NRF1: variants seen among roughly 807,000 people sequenced by gnomAD.
The protein encoded by NRF1 is alpha palindromic-binding protein.
In NRF1, 5 loss-of-function variants were observed where a neutral mutation model predicts 58.5. That is an observed-to-expected ratio of 0.09 (90% CI 0.04 to 0.18). The LOEUF is 0.18. Among genes scored for constraint, NRF1 ranks in the 10% least tolerant of loss-of-function variants. The pLI is 1.00. For synonymous variants in NRF1, 224 were observed against 246.7 expected, an observed-to-expected ratio of 0.91 and a Z score of 0.86; for missense variants, 288 against 657.7, an observed-to-expected ratio of 0.44 and a Z score of 6.15.
chr7:129,659,429 A>C (rs898282905), intron 2 of NRF1, among the ~76,000 whole-genome samples: 5 of 152,186 alleles, frequency 3.3e-5, no homozygotes, highest in African/African-American at 7.2e-5. Context: ...CTGCATCTCC[A>C]ACTGGTCTCC....
intron 1 of NRF1, among the ~76,000 whole-genome samples, chr7:129,640,838 T>C (rs1739659773): frequency 6.6e-6 from 1 of 152,182 alleles, no homozygotes; most frequent in African/African-American, 2.4e-5. Context: ...GTCTCCAAAG[T>C]CTTAAGCATT....
At chr7:129,719,288 A>G in intron 9 of NRF1, among the ~76,000 whole-genome samples, 1 of 152,052 alleles carries the variant, frequency 6.6e-6, no homozygotes, top group African/African-American at 2.4e-5. Context: ...ATGCTCCACC[A>G]CACACGGCTA....
intron 4 of NRF1, among the ~76,000 whole-genome samples, chr7:129,682,175 C>A (rs2896421): frequency 1 from 152,018 of 152,022 alleles, 76,007 homozygotes; most frequent in Middle Eastern, 1. Flanking sequence ...TAAAACCCAC[C>A]ATGGGGGGGC....
intron 1 of NRF1, among the ~76,000 whole-genome samples, chr7:129,650,030 A>T (rs973309609): frequency 1.3e-5 from 2 of 152,128 alleles, no homozygotes; most frequent in Non-Finnish European, 2.9e-5. Flanking sequence ...TGGGATTACG[A>T]GTGTGAGCCA....
chr7:129,697,757 CAG>C (rs1350581436), intron 5 of NRF1, among the ~76,000 whole-genome samples: 1 of 130,684 alleles, frequency 7.7e-6, no homozygotes, highest in African/African-American at 2.7e-5. Context: ...GTTTTTGAGA[CAG>C]AGTCTCACTC....
intron 2 of NRF1, among the ~76,000 whole-genome samples, chr7:129,665,085 A>G (rs915529596): frequency 1.3e-5 from 2 of 152,194 alleles, no homozygotes; most frequent in Non-Finnish European, 2.9e-5. Context: ...TTCTCTGAGG[A>G]GGAAGGTTGT....
intron 4 of NRF1, among the ~76,000 whole-genome samples, chr7:129,684,184 G>A (rs1334926745): frequency 1.3e-5 from 2 of 152,124 alleles, no homozygotes; most frequent in East Asian, 3.8e-4. Context: ...GAATGAGTTA[G>A]CGAACAGGGA....
At position 129,711,482 on chromosome 7, in the gene NRF1, C is replaced by T. The variant is rs1213386958; in HGVS notation, c.971C>T (p.Thr324Met). 1.2e-6 allele frequency: 2 copies of T among 1,609,964 alleles called. No homozygotes were observed. The highest frequency in any genetic ancestry group is 1.1e-5 in the South Asian group (1 of 90,014). The change falls in exon 8 of 11, where the codon ACG (threonine) becomes ATG (methionine). Residue 324 changes from threonine to methionine, a missense_variant. Transcript: ENST00000393232. ...DGTVSLIQVGTGATVATLADA... is the reference protein window; with the variant it reads ...DGTVSLIQVGMGATVATLADA... ...TTCCATATTTTTCTTTAGGTTGGTA[C>T]GGGGGCAACAGTAGCCACATTGGCT...
intron 10 of NRF1, among the ~76,000 whole-genome samples, chr7:129,727,645 C>G (rs921003311): frequency 3.9e-5 from 6 of 152,270 alleles, no homozygotes; most frequent in Admixed American, 6.5e-5. Flanking sequence ...TGAGAAGCAC[C>G]TTAAAATTCA....
intron 1 of NRF1, among the ~76,000 whole-genome samples, chr7:129,627,274 C>T (rs1266554721): frequency 1.3e-5 from 2 of 152,174 alleles, no homozygotes; most frequent in Non-Finnish European, 2.9e-5. Flanking sequence ...GTAGTTAGCA[C>T]AGTCTCGGCT....
At chr7:129,680,406 AG>A (rs1390824153) in intron 4 of NRF1, among the ~76,000 whole-genome samples, 2 of 152,356 alleles carry the variant, frequency 1.3e-5, no homozygotes, top group East Asian at 3.9e-4. Flanking sequence ...AAATGGTAAA[AG>A]TAAAGTTGCC....
chr7:129,623,347 C>T (rs1333312496), intron 1 of NRF1, among the ~76,000 whole-genome samples: 1 of 149,794 alleles, frequency 6.7e-6, no homozygotes, highest in Non-Finnish European at 1.5e-5. Flanking sequence ...TTAGTAGTAG[C>T]AATAGTATAA....
Position 129,709,465 on chromosome 7 carries a change from G to T in NRF1, c.765+232G>T, listed in dbSNP as rs186530804. 7.8e-4 allele frequency among the ~76,000 whole-genome samples: 119 copies of T among 152,256 alleles called. 1 individual carries two copies. The highest frequency in any genetic ancestry group is 1.5e-3 in the Non-Finnish European group (104 of 68,022). The stretch of plus-strand genomic sequence containing the variant: ...GAATTTAAAATGTGTCTTCGGGGTT[G>T]CCTTTTGGAGCAGTTTTAATTTTAT... On this transcript the variant is annotated intron_variant, in intron 6 of 10. Coordinates refer to ENST00000393232, the MANE Select transcript of NRF1 (RefSeq NM_005011.5).
intron 1 of NRF1, among the ~76,000 whole-genome samples, chr7:129,642,643 G>A (rs900075040): frequency 1.4e-4 from 22 of 151,744 alleles, no homozygotes; most frequent in African/African-American, 5.3e-4. Context: ...AGTTAACTTG[G>A]TAATGTAGCT....
At chr7:129,689,581 T>C (rs1337704793) in intron 4 of NRF1, among the ~76,000 whole-genome samples, 1 of 152,232 alleles carries the variant, frequency 6.6e-6, no homozygotes, top group Non-Finnish European at 1.5e-5. Flanking sequence ...ATTATATTGG[T>C]GGTTGGAAGA....
At chr7:129,645,802 T>C (rs866214415) in intron 1 of NRF1, among the ~76,000 whole-genome samples, 8 of 152,174 alleles carry the variant, frequency 5.3e-5, no homozygotes, top group Admixed American at 6.5e-5. Context: ...TATGCTCCCT[T>C]CTCACTTCTA....
intron 2 of NRF1, among the ~76,000 whole-genome samples, chr7:129,665,841 G>A (rs1206548247): frequency 2.6e-5 from 4 of 152,270 alleles, no homozygotes; most frequent in East Asian, 1.9e-4. Flanking sequence ...CTTGAACTCC[G>A]GGGCTCAAGT....
chr7:129,725,836 A>G (rs1346341301), intron 9 of NRF1, among the ~76,000 whole-genome samples: 3 of 152,234 alleles, frequency 2.0e-5, no homozygotes, highest in Non-Finnish European at 4.4e-5. Flanking sequence ...CTTCTATTTA[A>G]TGACACTTTT....
At chr7:129,646,676 T>G (rs1047262595) in intron 1 of NRF1, among the ~76,000 whole-genome samples, 3 of 152,144 alleles carry the variant, frequency 2.0e-5, no homozygotes, top group African/African-American at 7.2e-5. Context: ...ATTATAACAA[T>G]GAAAACAGCA....
Sources: gnomAD v4.1 joint callset for allele counts (sites outside exome capture counted in the v4.1 genomes callset) on GRCh38, gnomAD v4.1.1 for gene constraint, MANE v1.5 for transcripts, NCBI Gene and HGNC (gene_info 2026-07-23, HGNC 2026-07-21) for gene names.